Variants in AP1G1 observed in about 807,000 individuals in gnomAD.
AP1G1 encodes adaptor related protein complex 1 subunit gamma 1.
Under a neutral mutation model 108.3 loss-of-function variants are expected in AP1G1, and 7 were observed. The observed-to-expected ratio is 0.06, with a 90% CI of 0.04 to 0.12. The LOEUF (loss-of-function observed/expected upper bound fraction) is 0.12, where lower values mean the gene tolerates loss of function less well. AP1G1 is among the 10% of genes least tolerant of loss of function. The probability of loss-of-function intolerance (pLI) is 1.00; values close to 1 mark genes in which losing one functional copy is unlikely to be tolerated. For synonymous variants in AP1G1, 379 were observed against 353.5 expected (o/e 1.07, Z -0.81); for missense variants, 756 against 1,010.7 (o/e 0.75, Z 3.42).
At position 71,731,316 on chromosome 16, in the gene AP1G1, TTAG is replaced by T. The variant is rs1284906422; in HGVS notation, c.*1739_*1741del. The T allele has an allele frequency of 1.3e-5, 2 of 152,606 alleles. No homozygotes were observed. Among genetic ancestry groups the T allele is most frequent in the Non-Finnish European group, 2.9e-5 (2 of 68,028 alleles). The allele number at this position is 152,606 out of a possible 1,614,324, so 9.5% of individuals were successfully genotyped here. ...GACCAGAAACTTTCCCGTGGAGCCT[TTAG>T]TTCAACTCCAGTTTGTCAAATGTTA... On this transcript the variant is annotated 3_prime_UTR_variant, in exon 23 of 23. Coordinates refer to ENST00000299980, the MANE Select transcript of AP1G1 (RefSeq NM_001128.6).
chr16:71,764,518 C>A, intron 8 of AP1G1, 70 bp from the exon 9 acceptor site: 1 of 1,289,950 alleles, frequency 7.8e-7, no homozygotes. Context: ...TCACAGGTAA[C>A]AAGAGGCATT....
chr16:71,742,183 CA>C lies in AP1G1; in HGVS notation c.2000-2843del, dbSNP rs1445306898. ...CACTAGGAAAACAAGACAGTAGGAA[CA>C]AAAAGAAAAGACTCCACAATAAATG... On this transcript the variant is annotated intron_variant, in intron 19 of 22. Coordinates refer to ENST00000299980, the MANE Select transcript of AP1G1 (RefSeq NM_001128.6). 7 of 151,912 alleles carry C rather than the reference CA, an allele frequency of 4.6e-5. No homozygotes were observed. In the South Asian group the frequency reaches 1.5e-3, roughly 32 times the overall value. The allele number at this position is 151,912 out of a possible 1,614,324, so 9.4% of individuals were successfully genotyped here. A position where few individuals can be genotyped will look rare whatever the true frequency, so the allele number is the denominator to read the frequency against.
At chr16:71,769,236 T>C (rs1477103433) in intron 6 of AP1G1, among the ~76,000 whole-genome samples, 1 of 151,304 alleles carries the variant, frequency 6.6e-6, no homozygotes, top group Admixed American at 6.6e-5. Flanking sequence ...TGAGCTGAGA[T>C]CACGCCATTG....
chr16:71,738,093 G>T (rs1173942852), intron 21 of AP1G1, among the ~76,000 whole-genome samples: 3 of 152,174 alleles, frequency 2.0e-5, no homozygotes, highest in Admixed American at 6.5e-5. Context: ...TGTCACCCAG[G>T]CTGGAGTGCA....
chr16:71,808,452 G>C lies in AP1G1; in HGVS notation c.-4+311C>G, dbSNP rs2033077605. ...CCGCTAAACCCCAGGCTCCCTGAAT[G>C]AGCCCTCAAAGATCGCAGCCTGAGA... On this transcript the variant is annotated intron_variant, in intron 1 of 22. Coordinates refer to ENST00000299980, the MANE Select transcript of AP1G1 (RefSeq NM_001128.6). 2.5e-6 allele frequency: 3 copies of C among 1,202,090 alleles called. No homozygotes were observed. In the Admixed American group the frequency reaches 9.7e-5, roughly 39 times the overall value. The allele number at this position is 1,202,090 out of a possible 1,614,324, so 74.5% of individuals were successfully genotyped here. A position where few individuals can be genotyped will look rare whatever the true frequency, so the allele number is the denominator to read the frequency against.
chr16:71,801,922 C>CAAA (rs901972267), intron 1 of AP1G1, among the ~76,000 whole-genome samples: 6 of 63,762 alleles, frequency 9.4e-5, no homozygotes. Context: ...ACTCCGTAAC[C>CAAA]AAAAAAAAAA....
chr16:71,761,042 G>C (rs1168963086), intron 10 of AP1G1, among the ~76,000 whole-genome samples: 3 of 152,142 alleles, frequency 2.0e-5, no homozygotes, highest in Admixed American at 6.5e-5. Flanking sequence ...TCTTAATTTA[G>C]AGCAGGGGTC....
Position 71,778,207 on chromosome 16 carries a change from G to C in AP1G1, c.202-3615C>G, listed in dbSNP as rs530247297. ...TTATTTCAATATTCCCCCATTTATA[G>C]TGACTCTGCTTCAAAAACAAGCATT... On this transcript the variant is annotated intron_variant, in intron 2 of 22. Coordinates refer to ENST00000299980, the MANE Select transcript of AP1G1 (RefSeq NM_001128.6). Among the ~76,000 whole-genome samples, 19 of 152,310 alleles carry C rather than the reference G, an allele frequency of 1.2e-4. No individual in the cohort carries two copies. The South Asian group carries it at 3.9e-3, about 32-fold the overall frequency.
intron 2 of AP1G1, among the ~76,000 whole-genome samples, chr16:71,779,690 A>G (rs1255276817): frequency 6.6e-6 from 1 of 152,182 alleles, no homozygotes; most frequent in Non-Finnish European, 1.5e-5. Context: ...CTATTTTACG[A>G]AGAGAATTTT....
intron 12 of AP1G1, 55 bp downstream of exon 12, chr16:71,755,964 C>T: frequency 6.4e-7 from 1 of 1,566,062 alleles, no homozygotes; most frequent in Non-Finnish European, 8.7e-7. Flanking sequence ...GTTTTAAAGA[C>T]ACTTCCAAAA....
intron 19 of AP1G1, among the ~76,000 whole-genome samples, chr16:71,741,926 C>A (rs1198853233): frequency 1.3e-5 from 2 of 152,202 alleles, no homozygotes; most frequent in African/African-American, 4.8e-5. Flanking sequence ...AGGAGAAGAG[C>A]AGAAACTTAC....
chr16:71,729,498 T>C lies in AP1G1; in HGVS notation c.*3560A>G, dbSNP rs2045458759. ...GAAGCCAGAATCAGCCTCTTGGAAG[T>C]CTGTAAAGCAACTGTGCAAGCTGCT... On this transcript the variant is annotated 3_prime_UTR_variant, in exon 23 of 23. Coordinates refer to ENST00000299980, the MANE Select transcript of AP1G1 (RefSeq NM_001128.6). 6.6e-6 allele frequency: 1 copy of C among 151,104 alleles called. No homozygotes were observed. Among genetic ancestry groups the C allele is most frequent in the Non-Finnish European group, 1.5e-5 (1 of 67,854 alleles). The allele number at this position is 151,104 out of a possible 1,614,324, so 9.4% of individuals were successfully genotyped here.
chr16:71,808,247 C>A (rs2033066335), intron 1 of AP1G1: 1 of 1,066,684 alleles, frequency 9.4e-7, no homozygotes, highest in South Asian at 2.1e-5. Flanking sequence ...AGAAGTTGGT[C>A]GGAAGGTTAG....
At chr16:71,745,045 C>G (rs2030099188) in intron 19 of AP1G1, 99 bp downstream of exon 19, 9 of 1,386,260 alleles carry the variant, frequency 6.5e-6, no homozygotes, top group Non-Finnish European at 7.9e-6. Flanking sequence ...CCTCTCCCAT[C>G]TTCAAATGAT....
chr16:71,789,152 C>A, intron 2 of AP1G1, 127 bp downstream of exon 2: 1 of 844,966 alleles, frequency 1.2e-6, no homozygotes, highest in Non-Finnish European at 1.9e-6. Context: ...CTCAATCTTA[C>A]CCTCAGTTCC....
chr16:71,743,834 T>C (rs1396999099), intron 19 of AP1G1, among the ~76,000 whole-genome samples: 1 of 150,328 alleles, frequency 6.7e-6, no homozygotes, highest in Admixed American at 6.7e-5. Context: ...TAATCCCAGC[T>C]ATTCAGGAGG....
intron 17 of AP1G1, among the ~76,000 whole-genome samples, chr16:71,745,935 A>T (rs896796187): frequency 1.3e-5 from 2 of 152,198 alleles, no homozygotes; most frequent in Non-Finnish European, 2.9e-5. Context: ...ATAGAAGAAT[A>T]AAAGATGACC....
At position 71,732,960 on chromosome 16, in the gene AP1G1, C is replaced by G; in HGVS notation, c.*98G>C. On this transcript the variant is annotated 3_prime_UTR_variant, in exon 23 of 23. Coordinates refer to ENST00000299980, the MANE Select transcript of AP1G1 (RefSeq NM_001128.6). ...CAGCAGTTCTCTTCAGCTCCTCATG[C>G]CCGTGGTACAGTTGGGGGGGACTTG... 1.1e-6 allele frequency: 1 copy of G among 893,396 alleles called. No individual in the cohort carries two copies. The highest frequency in any genetic ancestry group is 1.8e-6 in the Non-Finnish European group (1 of 567,624). 55.3% of individuals were successfully genotyped at this position (893,396 alleles called of 1,614,324 possible). A position where few individuals can be genotyped will look rare whatever the true frequency, so the allele number is the denominator to read the frequency against.
At chr16:71,758,425 G>A (rs1209726061) in intron 11 of AP1G1, 1 of 522,932 alleles carries the variant, frequency 1.9e-6, no homozygotes, top group Admixed American at 1.9e-5. Flanking sequence ...CAGTTTGAGT[G>A]TCAGCATTGT....
Sources: allele counts gnomAD v4.1 joint callset (sites outside exome capture counted in the v4.1 genomes callset), GRCh38; gene constraint gnomAD v4.1.1; transcripts MANE v1.5; gene names NCBI Gene and HGNC (gene_info 2026-07-23, HGNC 2026-07-21).